Variants in PHYHD1 observed in about 807,000 individuals in gnomAD.
The protein encoded by PHYHD1 is phytanoyl-CoA dioxygenase domain-containing protein 1.
Under a neutral mutation model 43.6 loss-of-function variants are expected in PHYHD1, and 42 were observed. That is an observed-to-expected ratio of 0.96 (90% CI 0.75 to 1.25). The LOEUF (loss-of-function observed/expected upper bound fraction) is 1.25, where lower values mean the gene tolerates loss of function less well. Ranked by LOEUF, PHYHD1 falls within the 50% of genes most tolerant of loss-of-function variation. The pLI is 0.00. For missense variants in PHYHD1, 342 were observed against 370.8 expected (o/e 0.92, Z 0.64); for synonymous variants, 139 against 143.6 (o/e 0.97, Z 0.23).
chr9:128,940,339 G>A, intron 9 of PHYHD1, 30 bp from the exon 10 acceptor site: 2 of 1,612,154 alleles, frequency 1.2e-6, no homozygotes, highest in South Asian at 1.1e-5. Flanking sequence ...GCAAAAGGAT[G>A]AGCTCCTCAC....
Position 128,934,063 on chromosome 9 carries a change from G to A in PHYHD1, c.316+5G>A, listed in dbSNP as rs773678966. On this transcript the variant is annotated splice_donor_5th_base_variant and intron_variant, in intron 6 of 12. Coordinates refer to ENST00000372592, the MANE Select transcript of PHYHD1 (RefSeq NM_001100876.2). ...CCATCAACAAAATTGGCCACGGTGA[G>A]CAGGGGCTTGGGGGTACAGGAAAGA... 2 of 1,613,398 alleles carry A rather than the reference G, an allele frequency of 1.2e-6. No individual in the cohort carries two copies.
chr9:128,937,897 C>A, intron 9 of PHYHD1, 119 bp downstream of exon 9: 1 of 1,563,690 alleles, frequency 6.4e-7, no homozygotes, highest in Non-Finnish European at 8.7e-7. Flanking sequence ...AGGAGCCTGG[C>A]CCGGAGAGGA....
chr9:128,929,422 C>T (rs1841216546), intron 4 of PHYHD1, among the ~76,000 whole-genome samples: 1 of 152,098 alleles, frequency 6.6e-6, no homozygotes, highest in Admixed American at 6.6e-5. Context: ...CCTGTAATCC[C>T]AGCACTTTGG....
chr9:128,937,902 A>G, intron 9 of PHYHD1, 124 bp downstream of exon 9: 1 of 1,556,224 alleles, frequency 6.4e-7, no homozygotes, highest in East Asian at 2.4e-5. Context: ...CCTGGCCCGG[A>G]GAGGAGGAGC....
At chr9:128,923,691 C>A (rs1841061236) in intron 3 of PHYHD1, among the ~76,000 whole-genome samples, 1 of 152,108 alleles carries the variant, frequency 6.6e-6, no homozygotes, top group Admixed American at 6.5e-5. Context: ...TTGCGTAATC[C>A]TCCTAAAACA....
intron 3 of PHYHD1, 160 bp from the exon 4 acceptor site, chr9:128,926,878 T>C (rs1841149832): frequency 2.2e-6 from 2 of 930,210 alleles, no homozygotes; most frequent in Non-Finnish European, 3.5e-6. Context: ...CAGCCAATAT[T>C]GATTGCTCTT....
Position 128,934,066 on chromosome 9 carries a change from G to A in PHYHD1, c.316+8G>A. ...TCAACAAAATTGGCCACGGTGAGCA[G>A]GGGCTTGGGGGTACAGGAAAGAAGA... On this transcript the variant is annotated splice_region_variant and intron_variant, in intron 6 of 12. Transcript: ENST00000372592. The A allele has an allele frequency of 6.2e-7, 1 of 1,613,080 alleles. No individual in the cohort carries two copies.
At chr9:128,927,480 A>C (rs144620738) in intron 4 of PHYHD1, among the ~76,000 whole-genome samples, 1 of 151,652 alleles carries the variant, frequency 6.6e-6, no homozygotes, top group African/African-American at 2.4e-5. Flanking sequence ...GGTTCAAGTG[A>C]TTCTCCTGCC....
intron 4 of PHYHD1, among the ~76,000 whole-genome samples, chr9:128,930,027 C>T (rs990153661): frequency 6.6e-6 from 1 of 151,502 alleles, no homozygotes; most frequent in Non-Finnish European, 1.5e-5. Context: ...CCCGTAATCC[C>T]AGCACTTTGG....
At chr9:128,930,563 T>C (rs1454083883) in intron 4 of PHYHD1, among the ~76,000 whole-genome samples, 7 of 145,252 alleles carry the variant, frequency 4.8e-5, no homozygotes, top group African/African-American at 1.8e-4. Flanking sequence ...CTGACCAACA[T>C]GGAGGTTGAG....
At chr9:128,923,405 T>C (rs952099560) in intron 3 of PHYHD1, among the ~76,000 whole-genome samples, 3 of 152,224 alleles carry the variant, frequency 2.0e-5, no homozygotes, top group Non-Finnish European at 2.9e-5. Flanking sequence ...GAGGCTGTAC[T>C]GCTATCCCCG....
intron 8 of PHYHD1, 114 bp from the exon 9 acceptor site, chr9:128,937,643 G>C (rs1841458252): frequency 1.6e-6 from 2 of 1,234,044 alleles, no homozygotes; most frequent in African/African-American, 1.5e-5. Flanking sequence ...TGTTGATGTG[G>C]AATCCTGAGA....
At chr9:128,925,494 G>A (rs1158112886) in intron 3 of PHYHD1, among the ~76,000 whole-genome samples, 1 of 152,004 alleles carries the variant, frequency 6.6e-6, no homozygotes, top group African/African-American at 2.4e-5. Flanking sequence ...CCAAACTGTT[G>A]GGATTATAGG....
chr9:128,925,841 G>A (rs1310934163), intron 3 of PHYHD1, among the ~76,000 whole-genome samples: 1 of 152,026 alleles, frequency 6.6e-6, no homozygotes, highest in Non-Finnish European at 1.5e-5. Context: ...CCCTCTGTCT[G>A]GAATGCCCTT....
chr9:128,928,248 C>T (rs915979857), intron 4 of PHYHD1, among the ~76,000 whole-genome samples: 3 of 152,156 alleles, frequency 2.0e-5, no homozygotes, highest in Non-Finnish European at 2.9e-5. Context: ...GCACAGCTGC[C>T]TTCCATTCGG....
intron 3 of PHYHD1, 33 bp from the exon 4 acceptor site, chr9:128,927,005 C>G: frequency 6.2e-7 from 1 of 1,614,040 alleles, no homozygotes; most frequent in East Asian, 2.2e-5. Context: ...CATTTGCAGA[C>G]TGGGGAAGCC....
rs1033334272 is a variant in PHYHD1, at chr9:128,925,984, C to T, written c.34-1054C>T. Among the ~76,000 whole-genome samples, 13 of 152,292 alleles carry T rather than the reference C, an allele frequency of 8.5e-5. 1 individual carries two copies. Among genetic ancestry groups the T allele is most frequent in the African/African-American group, 2.4e-4 (10 of 41,574 alleles). ...TCACACTCATCCTCTCTCTCTGGCA[C>T]GAAGTTTGTGACAGTAAATTTACCT... On this transcript the variant is annotated intron_variant, in intron 3 of 12. Coordinates refer to ENST00000372592, the MANE Select transcript of PHYHD1 (RefSeq NM_001100876.2).
At chr9:128,935,675 G>A (rs549446549) in intron 6 of PHYHD1, among the ~76,000 whole-genome samples, 3 of 152,142 alleles carry the variant, frequency 2.0e-5, no homozygotes, top group East Asian at 1.9e-4. Flanking sequence ...AGGCCGAGGC[G>A]GGTGGATCAC....
At position 128,933,860 on chromosome 9, in the gene PHYHD1, T is replaced by A. The variant is rs1487833752; in HGVS notation, c.268+3T>A. On this transcript the variant is annotated splice_donor_region_variant and intron_variant, in intron 5 of 12. Transcript: ENST00000372592. ...GAAAGGCGTTTTTGATGAGAAAGGTTTGGAGCTGGGGCCCTAGAGCTGGGG... is the reference window on the plus strand; with the variant it reads ...GAAAGGCGTTTTTGATGAGAAAGGTATGGAGCTGGGGCCCTAGAGCTGGGG... The A allele has an allele frequency of 1.2e-6, 2 of 1,613,612 alleles. No homozygotes were observed. The highest frequency in any genetic ancestry group is 1.7e-6 in the Non-Finnish European group (2 of 1,179,652).
Sources: allele counts gnomAD v4.1 joint callset (sites outside exome capture counted in the v4.1 genomes callset), GRCh38; gene constraint gnomAD v4.1.1; transcripts MANE v1.5; gene names NCBI Gene and HGNC (gene_info 2026-07-23, HGNC 2026-07-21).